KCNMA1: variants seen among roughly 807,000 people sequenced by gnomAD.
KCNMA1 encodes Calcium-activated potassium channel subunit alpha-1.
A neutral mutation model predicts 140.0 loss-of-function variants in KCNMA1; 29 were observed. That is an observed-to-expected ratio of 0.21 (90% CI 0.15 to 0.28). The LOEUF is 0.28. Among genes scored for constraint, KCNMA1 ranks in the 10% least tolerant of loss-of-function variants. The probability of loss-of-function intolerance (pLI) is 1.00; values close to 1 mark genes in which losing one functional copy is unlikely to be tolerated. For missense variants in KCNMA1, 880 were observed against 1,602.2 expected, an observed-to-expected ratio of 0.55 and a Z score of 7.70; for synonymous variants, 612 against 611.9, an observed-to-expected ratio of 1.00 and a Z score of 0.00.
At chr10:76,971,470 A>C (rs571916024) in intron 19 of KCNMA1, among the ~76,000 whole-genome samples, 10 of 152,288 alleles carry the variant, frequency 6.6e-5, no homozygotes, top group Non-Finnish European at 1.5e-4. Context: ...AACCTGCTTC[A>C]AAGTATTACA....
intron 2 of KCNMA1, among the ~76,000 whole-genome samples, chr10:77,349,986 C>T (rs936014937): frequency 9.9e-5 from 15 of 152,166 alleles, no homozygotes; most frequent in Admixed American, 4.6e-4. Context: ...GCAACCTCTG[C>T]CTCCCAGGCT....
chr10:77,290,152 A>G (rs2072675697), intron 2 of KCNMA1, among the ~76,000 whole-genome samples: 1 of 152,172 alleles, frequency 6.6e-6, no homozygotes, highest in African/African-American at 2.4e-5. Flanking sequence ...TAAAAAGTCA[A>G]TTTTATTTTA....
At chr10:77,312,471 C>T (rs1315301768) in intron 2 of KCNMA1, among the ~76,000 whole-genome samples, 1 of 152,124 alleles carries the variant, frequency 6.6e-6, no homozygotes, top group Non-Finnish European at 1.5e-5. Flanking sequence ...ACTAAAGATA[C>T]AAAAAATAAC....
intron 1 of KCNMA1, among the ~76,000 whole-genome samples, chr10:77,435,969 T>A (rs2097255370): frequency 1.3e-5 from 2 of 152,180 alleles, no homozygotes; most frequent in South Asian, 4.1e-4. Flanking sequence ...TTATTCCCGA[T>A]CTTAGACTAC....
intron 14 of KCNMA1, among the ~76,000 whole-genome samples, chr10:77,049,206 T>C (rs74851363): frequency 2.6e-5 from 4 of 152,196 alleles, no homozygotes; most frequent in Admixed American, 6.5e-5. Flanking sequence ...AATATGTCTC[T>C]CTATGACCTT....
At chr10:77,359,017 C>T (rs1324382735) in intron 2 of KCNMA1, among the ~76,000 whole-genome samples, 1 of 152,190 alleles carries the variant, frequency 6.6e-6, no homozygotes, top group Non-Finnish European at 1.5e-5. Context: ...TGCATGTGCC[C>T]ACACCATTTC....
chr10:77,324,955 C>CTGTGTG (rs1262999462), intron 2 of KCNMA1, among the ~76,000 whole-genome samples: 7 of 104,194 alleles, frequency 6.7e-5, no homozygotes, highest in Middle Eastern at 4.5e-3. Context: ...CTCTCTCTCT[C>CTGTGTG]TCTCTCTCTC....
At chr10:76,963,624 C>T (rs1032425301) in intron 20 of KCNMA1, among the ~76,000 whole-genome samples, 3 of 152,146 alleles carry the variant, frequency 2.0e-5, no homozygotes, top group African/African-American at 4.8e-5. Context: ...TTCTCTGTGA[C>T]TCTGTGGAAC....
chr10:77,197,745 A>G (rs1233437531), intron 3 of KCNMA1, among the ~76,000 whole-genome samples: 1 of 152,184 alleles, frequency 6.6e-6, no homozygotes, highest in African/African-American at 2.4e-5. Context: ...GGGAGGTTGC[A>G]TCATGCAAAT....
At chr10:77,451,314 CA>C (rs1813914003) in intron 1 of KCNMA1, among the ~76,000 whole-genome samples, 1 of 152,240 alleles carries the variant, frequency 6.6e-6, no homozygotes, top group East Asian at 1.9e-4. Flanking sequence ...GGCCATCGGG[CA>C]GATAAAAAGA....
chr10:76,983,370 G>T (rs2080164143), intron 19 of KCNMA1, among the ~76,000 whole-genome samples: 1 of 152,102 alleles, frequency 6.6e-6, no homozygotes, highest in Admixed American at 6.5e-5. Flanking sequence ...TCAAAAGAGA[G>T]AAATCCTATT....
At chr10:76,878,165 T>C (rs2032913094) in intron 29 of KCNMA1, among the ~76,000 whole-genome samples, 1 of 152,258 alleles carries the variant, frequency 6.6e-6, no homozygotes, top group South Asian at 2.1e-4. Flanking sequence ...GATTGGAGAA[T>C]GGACTCTGGC....
At chr10:77,521,484 C>T (rs1205828963) in intron 1 of KCNMA1, among the ~76,000 whole-genome samples, 1 of 152,198 alleles carries the variant, frequency 6.6e-6, no homozygotes, top group African/African-American at 2.4e-5. Flanking sequence ...CCAATTATGG[C>T]TTCAGTGGTT....
At chr10:77,229,026 G>A (rs2052569642) in intron 3 of KCNMA1, among the ~76,000 whole-genome samples, 2 of 152,224 alleles carry the variant, frequency 1.3e-5, no homozygotes, top group East Asian at 3.8e-4. Context: ...GTAACACAGT[G>A]TATACAAAAC....
chr10:77,297,244 A>G (rs1386949643), intron 2 of KCNMA1, among the ~76,000 whole-genome samples: 1 of 152,176 alleles, frequency 6.6e-6, no homozygotes, highest in Non-Finnish European at 1.5e-5. Flanking sequence ...GAGCCAAACC[A>G]AATAGCCTCA....
intron 18 of KCNMA1, among the ~76,000 whole-genome samples, chr10:77,004,230 C>T (rs1173599026): frequency 6.6e-6 from 1 of 151,730 alleles, no homozygotes; most frequent in Non-Finnish European, 1.5e-5. Context: ...CACACACACA[C>T]ACACACACAC....
intron 9 of KCNMA1, 33 bp from the exon 10 acceptor site, chr10:77,090,543 GCAC>G (rs1566033570): frequency 2.1e-6 from 3 of 1,436,626 alleles, no homozygotes; most frequent in Non-Finnish European, 2.9e-6. Context: ...ATCAGGCCAG[GCAC>G]CACGACAGGA....
At chr10:77,456,607 G>A (rs2097766513) in intron 1 of KCNMA1, among the ~76,000 whole-genome samples, 1 of 152,208 alleles carries the variant, frequency 6.6e-6, no homozygotes, top group South Asian at 2.1e-4. Context: ...CTGAAGGAGG[G>A]AGGCTGCATG....
At position 77,237,094 on chromosome 10, in the gene KCNMA1, C is replaced by T. The variant is rs562293427; in HGVS notation, c.602+14101G>A. ...CATCTTATTTTGTTTCTTAACTTCA[C>T]TGTGTTTATATCTCATCTCTCTCAA... On this transcript the variant is annotated intron_variant, in intron 3 of 27. Transcript: ENST00000286628. Among the ~76,000 whole-genome samples the T allele has an allele frequency of 2.0e-5, 3 of 152,342 alleles. No homozygotes were observed. The South Asian group carries it at 6.2e-4, about 32-fold the overall frequency.
Sources: gnomAD v4.1 joint callset for allele counts (sites outside exome capture counted in the v4.1 genomes callset) on GRCh38, gnomAD v4.1.1 for gene constraint, MANE v1.5 for transcripts, NCBI Gene and HGNC (gene_info 2026-07-23, HGNC 2026-07-21) for gene names.